The following KIAA1217 variants were observed in gnomAD, a reference collection of about 807,000 sequenced individuals.
KIAA1217 encodes KIAA1217.
In KIAA1217, 88 loss-of-function variants were observed where a neutral mutation model predicts 163.9. That is an observed-to-expected ratio of 0.54 (90% CI 0.45 to 0.64). The LOEUF is 0.64. Ranked by LOEUF, KIAA1217 falls within the 30% of genes least tolerant of loss-of-function variation. The pLI is 0.00. For synonymous variants in KIAA1217, 903 were observed against 923.1 expected, an observed-to-expected ratio of 0.98 and a Z score of 0.39; for missense variants, 2,372 against 2,475.0, an observed-to-expected ratio of 0.96 and a Z score of 0.88.
chr10:24,214,909 A>G (rs1034325081), intron 1 of KIAA1217, among the ~76,000 whole-genome samples: 8 of 152,156 alleles, frequency 5.3e-5, no homozygotes, highest in Non-Finnish European at 1.0e-4. Context: ...CAAGGCCCCA[A>G]ATCCCTTGCT....
chr10:23,783,394 G>A (rs1046355168), intron 1 of KIAA1217, among the ~76,000 whole-genome samples: 4 of 152,114 alleles, frequency 2.6e-5, no homozygotes, highest in Non-Finnish European at 4.4e-5. Context: ...AACCAACCTT[G>A]CATCCTAGGG....
At chr10:23,810,847 A>C (rs1318729287) in intron 1 of KIAA1217, among the ~76,000 whole-genome samples, 1 of 123,592 alleles carries the variant, frequency 8.1e-6, no homozygotes, top group Non-Finnish European at 1.6e-5. Flanking sequence ...TATATGGTAT[A>C]TATATTATAT....
intron 2 of KIAA1217, among the ~76,000 whole-genome samples, chr10:24,376,119 C>T (rs2052453686): frequency 6.6e-6 from 1 of 152,168 alleles, no homozygotes; most frequent in Non-Finnish European, 1.5e-5. Flanking sequence ...GAAATCATGA[C>T]CGTCTTTTAA....
intron 9 of KIAA1217, among the ~76,000 whole-genome samples, chr10:24,504,899 A>G (rs1173476489): frequency 1.3e-5 from 2 of 152,196 alleles, no homozygotes; most frequent in Non-Finnish European, 1.5e-5. Context: ...CAAGGAAACC[A>G]CTAAAAGCTT....
intron 2 of KIAA1217, among the ~76,000 whole-genome samples, chr10:24,150,383 C>G (rs1256029513): frequency 3.8e-4 from 58 of 152,138 alleles, no homozygotes; most frequent in Admixed American, 3.8e-3. Flanking sequence ...CATTGAGAAT[C>G]CGTTTAAGAG....
In KIAA1217 at chr10:24,547,254, G is replaced by C. The variant is rs1223286742; in HGVS notation, c.*930G>C. Reference sequence around the variant, plus strand: ...AAATATACATAGACATAAAAATACTGTATGTGACAGCACATAGAGTAGTTT... The same window carrying C: ...AAATATACATAGACATAAAAATACTCTATGTGACAGCACATAGAGTAGTTT... On this transcript the variant is annotated 3_prime_UTR_variant, in exon 21 of 21. Transcript: ENST00000376454. The C allele has an allele frequency of 6.6e-6, 1 of 152,392 alleles. No homozygotes were observed. The highest frequency in any genetic ancestry group is 2.4e-5 in the African/African-American group (1 of 41,380). The allele number at this position is 152,392 out of a possible 1,614,324, so 9.4% of individuals were successfully genotyped here. A position where few individuals can be genotyped will look rare whatever the true frequency, so the allele number is the denominator to read the frequency against.
chr10:23,812,546 A>G (rs559791050), intron 1 of KIAA1217, among the ~76,000 whole-genome samples: 1 of 152,156 alleles, frequency 6.6e-6, no homozygotes, highest in Admixed American at 6.6e-5. Context: ...CACATTACAT[A>G]CAAGTTACTC....
intron 1 of KIAA1217, among the ~76,000 whole-genome samples, chr10:23,788,324 C>G (rs1197599218): frequency 6.6e-6 from 1 of 152,132 alleles, no homozygotes; most frequent in Admixed American, 6.5e-5. Flanking sequence ...TTGGAAAAGC[C>G]TAATGGAATT....
At chr10:24,358,838 C>A (rs2134171924) in intron 2 of KIAA1217, among the ~76,000 whole-genome samples, 1 of 152,306 alleles carries the variant, frequency 6.6e-6, no homozygotes, top group African/African-American at 2.4e-5. Context: ...TGAAAGCCAG[C>A]ACTCCATTGT....
At chr10:24,195,229 C>T (rs1216876264) in intron 2 of KIAA1217, among the ~76,000 whole-genome samples, 2 of 152,190 alleles carry the variant, frequency 1.3e-5, no homozygotes, top group African/African-American at 4.8e-5. Context: ...TGATCAAAAC[C>T]CTGTCCAGTC....
Position 24,513,302 on chromosome 10 carries a change from A to G in KIAA1217, c.2045A>G (p.Glu682Gly), listed in dbSNP as rs2069504600. The G allele has an allele frequency of 6.2e-7, 1 of 1,614,086 alleles. No homozygotes were observed. Among genetic ancestry groups the G allele is most frequent in the Admixed American group, 1.7e-5 (1 of 60,004 alleles). ...ELLRAMMKKA[E>G]LEISGKVMET... The stretch of plus-strand genomic sequence containing the variant: ...CTGAGGGCAATGATGAAGAAGGCCG[A>G]GCTGGAAATCAGTGGCAAAGTGATG... The change falls in exon 10 of 21, where the codon GAG becomes GGG. Residue 682 changes from glutamate (E) to glycine (G), a missense_variant. By Grantham distance (98) the Glu-to-Gly change is moderately conservative. This residue lies in a region of KIAA1217 where 1,431 missense variants were observed against 1,470.3 expected (regional missense o/e 0.97). Coordinates refer to ENST00000376454, the MANE Select transcript of KIAA1217 (RefSeq NM_019590.5).
At chr10:24,454,012 C>T (rs1404630143) in intron 5 of KIAA1217, among the ~76,000 whole-genome samples, 1 of 151,858 alleles carries the variant, frequency 6.6e-6, no homozygotes, top group Non-Finnish European at 1.5e-5. Flanking sequence ...TAAGATGAAG[C>T]CCAAATTGAG....
At chr10:24,135,996 G>A (rs1197167838) in intron 2 of KIAA1217, among the ~76,000 whole-genome samples, 1 of 152,142 alleles carries the variant, frequency 6.6e-6, no homozygotes, top group African/African-American at 2.4e-5. Flanking sequence ...ACCTAGTTTG[G>A]AGACAATTTT....
chr10:23,813,686 C>G (rs1837180555), intron 1 of KIAA1217, among the ~76,000 whole-genome samples: 1 of 152,092 alleles, frequency 6.6e-6, no homozygotes, highest in South Asian at 2.1e-4. Context: ...GGCTAAAACA[C>G]ATGTGTAAAT....
intron 2 of KIAA1217, among the ~76,000 whole-genome samples, chr10:24,288,594 C>A (rs2078788161): frequency 1.3e-5 from 2 of 152,134 alleles, no homozygotes; most frequent in Admixed American, 6.6e-5. Flanking sequence ...ACAGAGCATA[C>A]AAGGAGACCA....
intron 1 of KIAA1217, among the ~76,000 whole-genome samples, chr10:23,794,028 T>A (rs542583087): frequency 4.4e-4 from 67 of 152,348 alleles, no homozygotes; most frequent in Non-Finnish European, 8.5e-4. Flanking sequence ...CCAAATAGTC[T>A]TCATTTTTAA....
chr10:23,910,307 A>G (rs1180755144), intron 1 of KIAA1217, among the ~76,000 whole-genome samples: 1 of 152,034 alleles, frequency 6.6e-6, no homozygotes, highest in Non-Finnish European at 1.5e-5. Flanking sequence ...AAAAAAAAAG[A>G]AAAGAAAAGA....
chr10:23,746,616 G>T (rs1325153766), intron 1 of KIAA1217, among the ~76,000 whole-genome samples: 2 of 151,864 alleles, frequency 1.3e-5, no homozygotes, highest in African/African-American at 2.4e-5. Flanking sequence ...GTAGAGACAG[G>T]GTTTTACCGT....
Position 24,495,130 on chromosome 10 carries a change from C to G in KIAA1217, c.1785-17C>G, listed in dbSNP as rs1310417920. On this transcript the variant is annotated splice_polypyrimidine_tract_variant and intron_variant, in intron 7 of 20. Transcript: ENST00000376454. Reference sequence around the variant, plus strand: ...TTTTGGAAACTGCATAGCTGACTCTCTTTTTCTTTTATTCAGCGAGAAAAT... The same window carrying G: ...TTTTGGAAACTGCATAGCTGACTCTGTTTTTCTTTTATTCAGCGAGAAAAT... The G allele has an allele frequency of 6.2e-7, 1 of 1,602,760 alleles. No homozygotes were observed. The highest frequency in any genetic ancestry group is 8.5e-7 in the Non-Finnish European group (1 of 1,174,072).
Sources: gnomAD v4.1 joint callset for allele counts (sites outside exome capture counted in the v4.1 genomes callset) on GRCh38, gnomAD v4.1.1 for gene constraint, gnomAD v4.1.1 regional missense constraint, MANE v1.5 for transcripts, NCBI Gene and HGNC (gene_info 2026-07-23, HGNC 2026-07-21) for gene names.